SON: variants seen among roughly 807,000 people sequenced by gnomAD.
The protein encoded by SON is SON DNA and RNA binding protein, also known as protein SON.
SON carries 4 observed loss-of-function variants against 173.3 expected under a neutral mutation model. The ratio of observed to expected loss-of-function variants is 0.02; its 90% confidence interval spans 0.01 to 0.05. The LOEUF (loss-of-function observed/expected upper bound fraction) is 0.05. SON is among the 10% of genes least tolerant of loss of function. The probability of loss-of-function intolerance (pLI) is 1.00; values close to 1 mark genes in which losing one functional copy is unlikely to be tolerated. For missense variants in SON, 2,626 were observed against 3,055.3 expected, an observed-to-expected ratio of 0.86 and a Z score of 3.31; for synonymous variants, 1,190 against 1,105.9, an observed-to-expected ratio of 1.08 and a Z score of -1.51.
At chr21:33,572,690 G>T (rs1228840642) in intron 8 of SON, 1 of 862,068 alleles carries the variant, frequency 1.2e-6, no homozygotes, top group African/African-American at 1.8e-5. Flanking sequence ...GGTTTTAAAA[G>T]AATTCAAATT....
chr21:33,550,009 T>C lies in SON; in HGVS notation c.778T>C (p.Ser260Pro), dbSNP rs141285849. ...TACTACAACACTGGTGTTGAAGTCATCTGAGCCAGTTGTAACAATGTCAGT... is the reference window on the plus strand; with the variant it reads ...TACTACAACACTGGTGTTGAAGTCACCTGAGCCAGTTGTAACAATGTCAGT... Reference protein sequence around the residue: ...VPTTTLVLKSSEPVVTMSVEY... With the variant: ...VPTTTLVLKSPEPVVTMSVEY... Residue 260 changes from serine to proline, a missense_variant, in exon 3 of 12, where the codon TCT becomes CCT. Ser to Pro is a moderately conservative substitution (Grantham distance 74). Around this residue, in one of 13 missense-constraint regions of SON, gnomAD observed 757 missense variants for 730.1 expected, o/e 1.04. Coordinates refer to ENST00000356577, the MANE Select transcript of SON (RefSeq NM_138927.4). The C allele has an allele frequency of 8.1e-6, 13 of 1,614,038 alleles. No individual in the cohort carries two copies. Among genetic ancestry groups the C allele is most frequent in the African/African-American group, 1.3e-5 (1 of 74,944 alleles).
At position 33,553,340 on chromosome 21, in the gene SON, C is replaced by T; in HGVS notation, c.4109C>T (p.Ser1370Phe). Residue 1370 changes from serine to phenylalanine, a missense_variant, in exon 3 of 12, where the codon TCT becomes TTT. By Grantham distance (155) the Ser-to-Phe change is radical (BLOSUM62 -2). Transcript: ENST00000356577. Reference protein sequence around the residue: ...LESSAVTVLESSTVTVLESST... With the variant: ...LESSAVTVLEFSTVTVLESST... ...TCTTCGGCTGTGACCGTCCTGGAGT[C>T]TTCGACTGTGACTGTCCTGGAGTCT... 6.3e-7 allele frequency: 1 copy of T among 1,586,154 alleles called. No homozygotes were observed. The highest frequency in any genetic ancestry group is 8.6e-7 in the Non-Finnish European group (1 of 1,157,538).
chr21:33,543,108 G>C lies in SON; in HGVS notation c.16G>C (p.Glu6Gln). 1 of 1,614,244 alleles carries C rather than the reference G, an allele frequency of 6.2e-7. No homozygotes were observed. The highest frequency in any genetic ancestry group is 8.5e-7 in the Non-Finnish European group (1 of 1,180,024). The stretch of plus-strand genomic sequence containing the variant: ...AGCGGACGCCATGGCGACCAACATC[G>C]AGCAGATTTTTAGGTCTTTCGTGGT... MATNIEQIFRSFVVSK... is the reference protein window; with the variant it reads MATNIQQIFRSFVVSK... Residue 6 changes from glutamate to glutamine, a missense_variant, in exon 1 of 12, where the codon GAG (glutamate) becomes CAG (glutamine). By Grantham distance (29) the Glu-to-Gln change is conservative. Around this residue, in one of 13 missense-constraint regions of SON, gnomAD observed 757 missense variants for 730.1 expected, o/e 1.04. Transcript: ENST00000356577.
chr21:33,555,437 A>G, intron 3 of SON, 46 bp downstream of exon 3: 1 of 1,450,558 alleles, frequency 6.9e-7, no homozygotes, highest in Non-Finnish European at 9.1e-7. Context: ...AAAATGTTTT[A>G]AACCTTAATT....
intron 6 of SON, among the ~76,000 whole-genome samples, chr21:33,564,512 A>G (rs919683619): frequency 6.6e-6 from 1 of 152,158 alleles, no homozygotes; most frequent in Non-Finnish European, 1.5e-5. Flanking sequence ...GAGGATCTTT[A>G]TGAGGTTAAG....
At chr21:33,571,024 A>C (rs1484745098) in intron 8 of SON, among the ~76,000 whole-genome samples, 1 of 149,110 alleles carries the variant, frequency 6.7e-6, no homozygotes, top group Admixed American at 6.7e-5. Context: ...ATAACTTTAA[A>C]ATGTTTAGTA....
chr21:33,557,025 C>CT, intron 3 of SON, 131 bp from the exon 4 acceptor site: 2 of 589,970 alleles, frequency 3.4e-6, no homozygotes, highest in Non-Finnish European at 2.5e-6. Context: ...TTTTTTTTTT[C>CT]TTTTTTGTTA....
rs1270266495 is a variant in SON at position 33,554,884 on chromosome 21, T to A, written c.5653T>A (p.Ser1885Thr). 5.0e-6 allele frequency: 8 copies of A among 1,613,872 alleles called. No homozygotes were observed. In the Admixed American group the frequency reaches 5.0e-5, roughly 10 times the overall value. The part of the protein sequence containing the change: ...RSRSKSRGRR[S>T]VSKEKRKRSP... ...AAGATCAAAGTCTAGAGGAAGAAGA[T>A]CTGTATCAAAAGAGAAGCGCAAAAG... The change falls in exon 3 of 12, where the codon TCT becomes ACT. Residue 1885 changes from serine (S) to threonine (T), a missense_variant. Physicochemically the swap from Ser to Thr is moderately conservative, Grantham distance 58. This residue lies in a region of SON where 1,006 missense variants were observed against 895.6 expected (regional missense o/e 1.12). Transcript: ENST00000356577.
intron 6 of SON, chr21:33,560,633 C>T: frequency 1.1e-6 from 1 of 947,818 alleles, no homozygotes; most frequent in Non-Finnish European, 1.3e-6. Context: ...TGTACCTTTG[C>T]TGTATCTTTT....
At position 33,551,492 on chromosome 21, in the gene SON, A is replaced by G; in HGVS notation, c.2261A>G (p.Gln754Arg). 1 of 1,614,160 alleles carries G rather than the reference A, an allele frequency of 6.2e-7. No individual in the cohort carries two copies. The highest frequency in any genetic ancestry group is 8.5e-7 in the Non-Finnish European group (1 of 1,180,000). ...QMLASNTMDS[Q>R]MLASSTMDSQ... ...CTAGCATCCAACACCATGGACTCCC[A>G]GATGTTAGCGTCTAGCACCATGGAC... The change falls in exon 3 of 12, where the codon CAG becomes CGG. Residue 754 changes from glutamine (Q) to arginine (R), a missense_variant. Gln to Arg is a conservative substitution (Grantham distance 43, BLOSUM62 1). This residue lies in a region of SON where 182 missense variants were observed against 193.6 expected (regional missense o/e 0.94). Coordinates refer to ENST00000356577, the MANE Select transcript of SON (RefSeq NM_138927.4).
At position 33,551,812 on chromosome 21, in the gene SON, A is replaced by G. The variant is rs142324795; in HGVS notation, c.2581A>G (p.Met861Val). The change falls in exon 3 of 12, where the codon ATG becomes GTG. Residue 861 changes from methionine to valine, a missense_variant. Physicochemically the swap from Met to Val is conservative, Grantham distance 21. This residue lies in a region of SON where 366 missense variants were observed against 448.6 expected (regional missense o/e 0.82). Coordinates refer to ENST00000356577, the MANE Select transcript of SON (RefSeq NM_138927.4). ...MDSQMLATSS[M>V]DSQMLASGTM... ...CTCCCAGATGTTAGCAACTAGCTCA[A>G]TGGATTCCCAGATGTTAGCATCTGG... 1.2e-4 allele frequency: 200 copies of G among 1,613,682 alleles called. No homozygotes were observed. Among genetic ancestry groups the G allele is most frequent in the Admixed American group, 1.1e-3 (68 of 60,024 alleles).
At position 33,551,063 on chromosome 21, in the gene SON, A is replaced by C. The variant is rs1377695604; in HGVS notation, c.1832A>C (p.Gln611Pro). 4 of 1,612,108 alleles carry C rather than the reference A, an allele frequency of 2.5e-6. No individual in the cohort carries two copies. ...MAAGALEFSG[Q>P]SGAAGALELL... is the part of the protein sequence containing the mutation. ...GCTGGGGCACTGGAGTTCTCGGGGC[A>C]GTCTGGGGCAGCTGGAGCACTGGAG... The change falls in exon 3 of 12, where the codon CAG becomes CCG. Residue 611 changes from glutamine to proline, a missense_variant. This residue lies in a region of SON where 12 missense variants were observed against 31.9 expected (regional missense o/e 0.38). Coordinates refer to ENST00000356577, the MANE Select transcript of SON (RefSeq NM_138927.4).
At chr21:33,546,567 G>A (rs1299896562) in intron 2 of SON, 188 bp downstream of exon 2, 3 of 404,544 alleles carry the variant, frequency 7.4e-6, no homozygotes, top group Non-Finnish European at 1.3e-5. Context: ...ATCACCTGAG[G>A]TCAGGAGTTC....
At position 33,574,032 on chromosome 21, in the gene SON, C is replaced by T. The variant is rs2086345941; in HGVS notation, c.7033+577C>T. Among the ~76,000 whole-genome samples, 6 of 152,144 alleles carry T rather than the reference C, an allele frequency of 3.9e-5. No individual in the cohort carries two copies. The South Asian group carries it at 1.2e-3, about 31-fold the overall frequency. Reference sequence around the variant, plus strand: ...AACTGTTAGCATTGACTGTATTTTCCTTTTACCTTCAGATACCTGGGCAGG... The same window carrying T: ...AACTGTTAGCATTGACTGTATTTTCTTTTTACCTTCAGATACCTGGGCAGG... On this transcript the variant is annotated intron_variant, in intron 9 of 11. Coordinates refer to ENST00000356577, the MANE Select transcript of SON (RefSeq NM_138927.4).
Position 33,555,047 on chromosome 21 carries a change from G to A in SON, c.5816G>A (p.Arg1939Lys). 6.2e-7 allele frequency: 1 copy of A among 1,612,544 alleles called. No homozygotes were observed. Among genetic ancestry groups the A allele is most frequent in the South Asian group, 1.1e-5 (1 of 91,060 alleles). ...AGTCATACTCCAAGTCGTCGACGAAGGTCTAGATCTGTGGGTAGAAGAAGG... is the reference window on the plus strand; with the variant it reads ...AGTCATACTCCAAGTCGTCGACGAAAGTCTAGATCTGTGGGTAGAAGAAGG... ...SRSHTPSRRR[R>K]SRSVGRRRSF... is the part of the protein sequence containing the mutation. The change falls in exon 3 of 12, where the codon AGG becomes AAG. Residue 1939 changes from arginine to lysine, a missense_variant. Around this residue, in one of 13 missense-constraint regions of SON, gnomAD observed 138 missense variants for 222.9 expected, o/e 0.62. Transcript: ENST00000356577.
At position 33,553,243 on chromosome 21, in the gene SON, G is replaced by T. The variant is rs374530139; in HGVS notation, c.4012G>T (p.Val1338Leu). ...GTTGGTTCCAGCAGTAACTACTCCA[G>T]TGCTGGCAGAGAGCATTCTGGAGCC... ...SLLVPAVTTPVLAESILEPPA... is the reference protein window; with the variant it reads ...SLLVPAVTTPLLAESILEPPA... The change falls in exon 3 of 12, where the codon GTG becomes TTG. Residue 1338 changes from valine (V) to leucine (L), a missense_variant. Val to Leu is a conservative substitution (Grantham distance 32). This residue lies in a region of SON where 1,006 missense variants were observed against 895.6 expected (regional missense o/e 1.12). Coordinates refer to ENST00000356577, the MANE Select transcript of SON (RefSeq NM_138927.4). 4.3e-6 allele frequency: 7 copies of T among 1,614,030 alleles called. No homozygotes were observed. In the African/African-American group the frequency reaches 8.0e-5, roughly 18 times the overall value.
rs770256174 is a variant in SON, at chr21:33,551,533, A to C, written c.2302A>C (p.Thr768Pro). The change falls in exon 3 of 12, where the codon ACT (threonine) becomes CCT (proline). Residue 768 changes from threonine to proline, a missense_variant. Physicochemically the swap from Thr to Pro is conservative, Grantham distance 38 (BLOSUM62 -1). Transcript: ENST00000356577. ...CACCATGGACTCCCAGATGTTAGCAACTAGCTCCATGGACTCCCAGATGTT... is the reference window on the plus strand; with the variant it reads ...CACCATGGACTCCCAGATGTTAGCACCTAGCTCCATGGACTCCCAGATGTT... ...SSTMDSQMLA[T>P]SSMDSQMLAT... 3.7e-6 allele frequency: 6 copies of C among 1,612,726 alleles called. No individual in the cohort carries two copies. Among genetic ancestry groups the C allele is most frequent in the Non-Finnish European group, 5.1e-6 (6 of 1,179,320 alleles).
chr21:33,550,958 C>G lies in SON; in HGVS notation c.1727C>G (p.Pro576Arg). ...GGGGTGCCAGAGTTGCCAGGGCTGC[C>G]TTCGGCAACTAGGGCACTGGAGTTG... ...VTGVPELPGL[P>R]SATRALELSG... is the part of the protein sequence containing the mutation. The change falls in exon 3 of 12, where the codon CCT (proline) becomes CGT (arginine). Residue 576 changes from proline (P) to arginine (R), a missense_variant. Coordinates refer to ENST00000356577, the MANE Select transcript of SON (RefSeq NM_138927.4). 6.2e-7 allele frequency: 1 copy of G among 1,605,054 alleles called. No individual in the cohort carries two copies. The highest frequency in any genetic ancestry group is 8.5e-7 in the Non-Finnish European group (1 of 1,173,592).
rs1311558605 is a variant in SON, at chr21:33,576,672, G to A, written c.*248G>A. 7 of 591,152 alleles carry A rather than the reference G, an allele frequency of 1.2e-5. No homozygotes were observed. The East Asian group carries it at 1.9e-4, about 16-fold the overall frequency. 36.6% of individuals were successfully genotyped at this position (591,152 alleles called of 1,614,324 possible). A position where few individuals can be genotyped will look rare whatever the true frequency, so the allele number is the denominator to read the frequency against. On this transcript the variant is annotated 3_prime_UTR_variant, in exon 12 of 12. Coordinates refer to ENST00000356577, the MANE Select transcript of SON (RefSeq NM_138927.4). The stretch of plus-strand genomic sequence containing the variant: ...AATATTTGGCAATTTAAGACATTGT[G>A]TAAAAAGCAATCTGTAAAAACATCT...
Sources: allele counts gnomAD v4.1 joint callset (sites outside exome capture counted in the v4.1 genomes callset), GRCh38; gene constraint gnomAD v4.1.1; regional missense constraint gnomAD v4.1.1; transcripts MANE v1.5; gene names NCBI Gene and HGNC (gene_info 2026-07-23, HGNC 2026-07-21).